ATG2B: variants seen among roughly 807,000 people sequenced by gnomAD.
ATG2B encodes the protein autophagy-related protein 2 homolog B.
ATG2B carries 121 observed loss-of-function variants against 241.3 expected under a neutral mutation model. That is an observed-to-expected ratio of 0.50 (90% CI 0.43 to 0.58). The LOEUF (loss-of-function observed/expected upper bound fraction) is 0.58. Ranked by LOEUF, ATG2B falls within the 20% of genes least tolerant of loss-of-function variation. The pLI is 0.00. For missense variants in ATG2B, 2,306 were observed against 2,491.6 expected, an observed-to-expected ratio of 0.93 and a Z score of 1.59; for synonymous variants, 858 against 876.6, an observed-to-expected ratio of 0.98 and a Z score of 0.37.
At chr14:96,302,984 T>G (rs1886833331) in intron 33 of ATG2B, 77 bp downstream of exon 33, 1 of 1,134,906 alleles carries the variant, frequency 8.8e-7, no homozygotes, top group African/African-American at 1.6e-5. Flanking sequence ...TTTCCCTACT[T>G]TAACTCTCCT....
Position 96,285,895 on chromosome 14 carries a change from G to A in ATG2B, c.6097C>T (p.Arg2033Cys). ...GVTGAVGEVL[R>C]QIPPAVVKPL... ...TTCACCACTGCCGGAGGAATCTGGC[G>A]CAGAACCTCGCCCACGGCACCAGTC... The change falls in exon 42 of 42, where the codon CGC becomes TGC. Residue 2033 changes from arginine (R) to cysteine (C), a missense_variant. Arg to Cys is a radical substitution (Grantham distance 180). Coordinates refer to ENST00000359933, the MANE Select transcript of ATG2B (RefSeq NM_018036.7). This position sits in a 1 kb window ranked among gnomAD's most constrained non-coding sequence, Gnocchi z 4.2. The A allele has an allele frequency of 3.7e-6, 6 of 1,614,064 alleles. No homozygotes were observed. Among genetic ancestry groups the A allele is most frequent in the African/African-American group, 1.3e-5 (1 of 75,034 alleles).
Position 96,317,785 on chromosome 14 carries a change from A to T in ATG2B, c.2950T>A (p.Tyr984Asn). The change falls in exon 19 of 42, where the codon TAT becomes AAT. Residue 984 changes from tyrosine (Y) to asparagine (N), a missense_variant. Transcript: ENST00000359933. ...SPVETFENIS[Y>N]GIGLSVASQL... The stretch of plus-strand genomic sequence containing the variant: ...CTGGCTACTGAAAGCCCAATGCCAT[A>T]GGAAATATTCTCGAATGTCTCCACT... 1 of 1,613,054 alleles carries T rather than the reference A, an allele frequency of 6.2e-7. No homozygotes were observed. Among genetic ancestry groups the T allele is most frequent in the Non-Finnish European group, 8.5e-7 (1 of 1,179,158 alleles).
chr14:96,295,157 A>G lies in ATG2B; in HGVS notation c.5229T>C (p.Ser1743=). ...AACTGCAGGTGACATCAGCTCCAGG[A>G]GACTTTTTAACTGAAAATGTAATGT... The part of the protein sequence containing the change: ...QMTPDPEVKK[S]PGADVTCSLP... Residue 1743 remains serine (S), a synonymous_variant, in exon 36 of 42, where the codon TCT becomes TCC. Coordinates refer to ENST00000359933, the MANE Select transcript of ATG2B (RefSeq NM_018036.7). The G allele has an allele frequency of 1.2e-6, 2 of 1,613,912 alleles. No homozygotes were observed. Among genetic ancestry groups the G allele is most frequent in the South Asian group, 2.2e-5 (2 of 91,012 alleles).
At chr14:96,310,036 T>C (rs560242586) in intron 28 of ATG2B, among the ~76,000 whole-genome samples, 17 of 152,198 alleles carry the variant, frequency 1.1e-4, no homozygotes, top group African/African-American at 4.1e-4. Context: ...GCAGGGGAAA[T>C]ATACTAAACG....
intron 5 of ATG2B, among the ~76,000 whole-genome samples, chr14:96,342,377 T>C (rs1292276946): frequency 1.3e-5 from 2 of 152,084 alleles, no homozygotes; most frequent in Non-Finnish European, 2.9e-5. Context: ...CACAAAATTA[T>C]TGAAAATATT....
At chr14:96,362,791 C>A in intron 1 of ATG2B, 24 bp downstream of exon 1, 2 of 1,584,000 alleles carry the variant, frequency 1.3e-6, no homozygotes, top group Non-Finnish European at 1.7e-6. Context: ...GAGCCCCGCC[C>A]GGCTCGCCGC....
rs780246696 is a variant in ATG2B, at chr14:96,332,490, T to C, written c.1362+11A>G. The C allele has an allele frequency of 4.3e-6, 7 of 1,611,534 alleles. No individual in the cohort carries two copies. In the South Asian group the frequency reaches 5.5e-5, roughly 13 times the overall value. ...TTTTCAGTCTAGAAGAAAAATTAAG[T>C]AATACTTTACCACAGTAGCACTTAA... On this transcript the variant is annotated intron_variant, in intron 9 of 41. Coordinates refer to ENST00000359933, the MANE Select transcript of ATG2B (RefSeq NM_018036.7).
At chr14:96,311,003 C>G (rs530020096) in intron 28 of ATG2B, 114 bp downstream of exon 28, 1 of 953,684 alleles carries the variant, frequency 1.0e-6, no homozygotes, top group African/African-American at 1.7e-5. Context: ...AGGTAAAGAA[C>G]AGATGAATGA....
intron 28 of ATG2B, 21 bp downstream of exon 28, chr14:96,311,096 G>A (rs750639714): frequency 6.3e-7 from 1 of 1,587,636 alleles, no homozygotes; most frequent in Non-Finnish European, 8.6e-7. Context: ...GGGACTGGAG[G>A]AATCACATTG....
chr14:96,302,722 A>C (rs1297180082), intron 33 of ATG2B, among the ~76,000 whole-genome samples: 1 of 152,244 alleles, frequency 6.6e-6, no homozygotes, highest in African/African-American at 2.4e-5. Context: ...AGGGACCTCC[A>C]AAGTCCTGAA....
At position 96,362,915 on chromosome 14, in the gene ATG2B, T is replaced by A; in HGVS notation, c.62A>T (p.Tyr21Phe). The A allele has an allele frequency of 6.2e-7, 1 of 1,613,656 alleles. No homozygotes were observed. The change falls in exon 1 of 42, where the codon TAC becomes TTC. Residue 21 changes from tyrosine (Y) to phenylalanine (F), a missense_variant. Transcript: ENST00000359933. The part of the protein sequence containing the change: ...KRACRYLLQR[Y>F]LGHFLQEKLS... ...CTTCTCCTGCAGAAAGTGGCCCAGGTACCTCTGCAGGAGGTACCGGCAGGC... is the reference window on the plus strand; with the variant it reads ...CTTCTCCTGCAGAAAGTGGCCCAGGAACCTCTGCAGGAGGTACCGGCAGGC...
rs377552385 is a variant in ATG2B at position 96,303,174 on chromosome 14, C to A, written c.4924G>T (p.Val1642Leu). Residue 1642 changes from valine (V) to leucine (L), a missense_variant, in exon 33 of 42, where the codon GTG becomes TTG. Physicochemically the swap from Val to Leu is conservative, Grantham distance 32. Coordinates refer to ENST00000359933, the MANE Select transcript of ATG2B (RefSeq NM_018036.7). ...ATCTCAAGATCCTGAACAATGAACA[C>A]CTGCCGGGAGACTGGGTGTTCTGAG... ...SLSEHPVSRQVFIVQDLEIRD... is the reference protein window; with the variant it reads ...SLSEHPVSRQLFIVQDLEIRD... 5.0e-6 allele frequency: 8 copies of A among 1,613,116 alleles called. No homozygotes were observed. Among genetic ancestry groups the A allele is most frequent in the Non-Finnish European group, 6.8e-6 (8 of 1,179,668 alleles).
chr14:96,301,198 T>G (rs1051761613), intron 34 of ATG2B, among the ~76,000 whole-genome samples: 1 of 152,254 alleles, frequency 6.6e-6, no homozygotes, highest in East Asian at 1.9e-4. Flanking sequence ...CTGATTTATT[T>G]AATCTTCATT....
At chr14:96,343,477 T>C (rs2139895837) in intron 4 of ATG2B, among the ~76,000 whole-genome samples, 196 bp from the exon 5 acceptor site, 1 of 152,294 alleles carries the variant, frequency 6.6e-6, no homozygotes, top group Admixed American at 6.5e-5. Flanking sequence ...CATAGCTTTT[T>C]TAAGTTAAGG....
At chr14:96,334,823 G>A (rs919008123) in intron 6 of ATG2B, among the ~76,000 whole-genome samples, 2 of 152,148 alleles carry the variant, frequency 1.3e-5, no homozygotes, top group Non-Finnish European at 2.9e-5. Context: ...GAATATTAAG[G>A]TAGCAATAGC....
chr14:96,313,239 T>C (rs1219884008), intron 24 of ATG2B, 82 bp from the exon 25 acceptor site: 1 of 1,359,274 alleles, frequency 7.4e-7, no homozygotes, highest in African/African-American at 1.5e-5. Flanking sequence ...CAACAACAAT[T>C]TGAACCTTAA....
At chr14:96,308,282 A>ATTTTT (rs71731196) in intron 29 of ATG2B, among the ~76,000 whole-genome samples, 3 of 37,034 alleles carry the variant, frequency 8.1e-5, no homozygotes, top group African/African-American at 3.1e-4. Context: ...ATATATATAT[A>ATTTTT]TTTTTTTTTT....
At position 96,290,924 on chromosome 14, in the gene ATG2B, A is replaced by G. The variant is rs1419515138; in HGVS notation, c.5591T>C (p.Val1864Ala). ...RLSYRHGLLG[V>A]DKLFSYAITE... ...GATTGCATATGAGAATAATTTGTCA[A>G]CGCCTAGTAAACTAGAGCAAATGAT... Residue 1864 changes from valine (V) to alanine (A), a missense_variant, in exon 39 of 42, where the codon GTT becomes GCT. Physicochemically the swap from Val to Ala is moderately conservative, Grantham distance 64 (BLOSUM62 0). Coordinates refer to ENST00000359933, the MANE Select transcript of ATG2B (RefSeq NM_018036.7). The surrounding 1 kb of genome is among the most constrained non-coding windows in gnomAD (Gnocchi z 4.4). 3.7e-6 allele frequency: 6 copies of G among 1,610,830 alleles called. No individual in the cohort carries two copies. The South Asian group carries it at 6.7e-5, about 18-fold the overall frequency.
At chr14:96,339,271 AGTGTGTGT>A (rs34822684) in intron 6 of ATG2B, among the ~76,000 whole-genome samples, 202 of 147,540 alleles carry the variant, frequency 1.4e-3, no homozygotes, top group Middle Eastern at 3.4e-3. Flanking sequence ...GCAATTCCAC[AGTGTGTGT>A]GTGTGTGTGT....
Sources: allele counts gnomAD v4.1 joint callset (sites outside exome capture counted in the v4.1 genomes callset), GRCh38; gene constraint gnomAD v4.1.1; non-coding constraint Gnocchi (gnomAD v3.1); transcripts MANE v1.5; gene names NCBI Gene and HGNC (gene_info 2026-07-23, HGNC 2026-07-21).